The following MORF4L1 variants were observed in gnomAD, a reference collection of about 807,000 sequenced individuals.
MORF4L1 encodes the protein mortality factor 4 like 1, also known as mortality factor 4-like protein 1.
Under a neutral mutation model 52.9 loss-of-function variants are expected in MORF4L1, and 4 were observed. That is an observed-to-expected ratio of 0.08 (90% CI 0.04 to 0.17). The LOEUF (loss-of-function observed/expected upper bound fraction) is 0.17, where lower values mean the gene tolerates loss of function less well. Among genes scored for constraint, MORF4L1 ranks in the 10% least tolerant of loss-of-function variants. The pLI is 1.00. For synonymous variants in MORF4L1, 123 were observed against 134.8 expected (o/e 0.91, Z 0.61); for missense variants, 214 against 390.4 (o/e 0.55, Z 3.81).
chr15:78,883,763 C>T (rs1165733252), intron 3 of MORF4L1, among the ~76,000 whole-genome samples: 2 of 152,076 alleles, frequency 1.3e-5, no homozygotes, highest in Admixed American at 1.3e-4. Flanking sequence ...ATGATCTTAG[C>T]TTTAGAAAGT....
At chr15:78,892,372 A>T (rs772197216) in intron 8 of MORF4L1, 59 bp downstream of exon 8, 1 of 1,199,594 alleles carries the variant, frequency 8.3e-7, no homozygotes, top group East Asian at 2.3e-5. Flanking sequence ...CTAGCAAAAA[A>T]AGTTTTTAAA....
At chr15:78,885,128 A>T in intron 3 of MORF4L1, 1 of 1,408,298 alleles carries the variant, frequency 7.1e-7, no homozygotes, top group Non-Finnish European at 9.9e-7. Flanking sequence ...CATGTTCAGG[A>T]TTGCTTTTTA....
rs1475113532 is a variant in MORF4L1 at position 78,891,777 on chromosome 15, A to G, written c.438+205A>G. ...TCCAGATTTACCTACCCAATTGATC[A>G]TTTGTTGTGTAAGCTTCATGTTCAC... On this transcript the variant is annotated intron_variant, in intron 7 of 11. Coordinates refer to ENST00000426013, the MANE Select transcript of MORF4L1 (RefSeq NM_006791.4). The G allele has an allele frequency of 9.5e-6, 5 of 525,798 alleles. No homozygotes were observed. The South Asian group carries it at 1.2e-4, about 13-fold the overall frequency. 32.6% of individuals were successfully genotyped at this position (525,798 alleles called of 1,614,324 possible).
At chr15:78,881,353 GC>G (rs2056600632) in intron 3 of MORF4L1, among the ~76,000 whole-genome samples, 2 of 151,824 alleles carry the variant, frequency 1.3e-5, no homozygotes, top group South Asian at 4.2e-4. Flanking sequence ...CTGTCACCAT[GC>G]CCAGCTAATT....
intron 9 of MORF4L1, 94 bp from the exon 10 acceptor site, chr15:78,893,964 T>C (rs2056842065): frequency 1.6e-6 from 2 of 1,250,382 alleles, no homozygotes; most frequent in Admixed American, 4.4e-5. Context: ...TCATTATTAC[T>C]AGCTCAGCTT....
intron 10 of MORF4L1, 120 bp downstream of exon 10, chr15:78,894,350 TA>T: frequency 1.3e-6 from 1 of 745,362 alleles, no homozygotes; most frequent in East Asian, 3.0e-5. Flanking sequence ...AACTTTTATC[TA>T]GAATGTTAAA....
At chr15:78,896,665 G>A (rs894764906) in intron 11 of MORF4L1, among the ~76,000 whole-genome samples, 8 of 152,114 alleles carry the variant, frequency 5.3e-5, no homozygotes, top group Admixed American at 2.0e-4. Flanking sequence ...ATGCTGTCAT[G>A]TAATAGGATA....
intron 3 of MORF4L1, among the ~76,000 whole-genome samples, chr15:78,881,616 T>C (rs2056605348): frequency 6.6e-6 from 1 of 152,204 alleles, no homozygotes; most frequent in Admixed American, 6.5e-5. Flanking sequence ...TTTTCAGTGA[T>C]GGGACTTTTC....
At chr15:78,891,157 G>C in intron 6 of MORF4L1, 143 bp downstream of exon 6, 1 of 1,040,876 alleles carries the variant, frequency 9.6e-7, no homozygotes, top group Non-Finnish European at 1.4e-6. Flanking sequence ...TTATAAAATA[G>C]GTACATGGTG....
chr15:78,880,687 G>A, intron 3 of MORF4L1, 108 bp downstream of exon 3: 1 of 748,246 alleles, frequency 1.3e-6, no homozygotes, highest in Non-Finnish European at 2.1e-6. Context: ...ATGTAATATA[G>A]TACATATTGA....
intron 4 of MORF4L1, 72 bp from the exon 5 acceptor site, chr15:78,887,197 G>A (rs533281932): frequency 3.9e-6 from 5 of 1,284,250 alleles, no homozygotes; most frequent in South Asian, 1.3e-5. Context: ...ATTCCTAATG[G>A]AATCAGGCTG....
chr15:78,892,147 C>T (rs1421628212), intron 7 of MORF4L1, 65 bp from the exon 8 acceptor site: 2 of 1,119,060 alleles, frequency 1.8e-6, no homozygotes, highest in East Asian at 2.4e-5. Flanking sequence ...AAAGTCAGCT[C>T]CCCTCCATGT....
Position 78,872,895 on chromosome 15 carries a change from C to T in MORF4L1, c.-123C>T. On this transcript the variant is annotated 5_prime_UTR_variant, in exon 1 of 12. Coordinates refer to ENST00000426013, the MANE Select transcript of MORF4L1 (RefSeq NM_006791.4). ...TGAGGTCTGCGGGCGCTGGCAAATC[C>T]GGCCCAGGATGTAGAGCTGGCAGTG... is the stretch of plus-strand genomic sequence containing the variant. 2.1e-6 allele frequency: 3 copies of T among 1,446,608 alleles called. No homozygotes were observed. The African/African-American group carries it at 4.5e-5, about 22-fold the overall frequency. The allele number at this position is 1,446,608 out of a possible 1,614,324, so 89.6% of individuals were successfully genotyped here. A position where few individuals can be genotyped will look rare whatever the true frequency, so the allele number is the denominator to read the frequency against.
Position 78,888,183 on chromosome 15 carries a change from C to T in MORF4L1, c.323+834C>T, listed in dbSNP as rs184328100. Among the ~76,000 whole-genome samples, 41 of 152,244 alleles carry T rather than the reference C, an allele frequency of 2.7e-4. No individual in the cohort carries two copies. The East Asian group carries it at 4.2e-3, about 16-fold the overall frequency. On this transcript the variant is annotated intron_variant, in intron 5 of 11. Coordinates refer to ENST00000426013, the MANE Select transcript of MORF4L1 (RefSeq NM_006791.4). ...TTGTATGTTTAAAGTTTATGTAGGA[C>T]GGTGCGGTGGCTCACACCTGTAATC...
chr15:78,881,745 T>G (rs1037639716), intron 3 of MORF4L1, among the ~76,000 whole-genome samples: 1 of 152,216 alleles, frequency 6.6e-6, no homozygotes, highest in Non-Finnish European at 1.5e-5. Context: ...TAATGATGCC[T>G]TGTCCTTCAA....
intron 11 of MORF4L1, among the ~76,000 whole-genome samples, chr15:78,896,308 CTTTTTT>C (rs71148578): frequency 1.1e-3 from 86 of 81,456 alleles, no homozygotes; most frequent in African/African-American, 1.7e-3. Context: ...CTTTTCTTTT[CTTTTTT>C]TTTTTTTTTT....
At chr15:78,896,456 A>G (rs1444603939) in intron 11 of MORF4L1, among the ~76,000 whole-genome samples, 3 of 151,690 alleles carry the variant, frequency 2.0e-5, no homozygotes, top group Admixed American at 2.0e-4. Context: ...GATTACAGGC[A>G]TGCGCTACCA....
At chr15:78,878,347 G>T in intron 2 of MORF4L1, 88 bp downstream of exon 2, 1 of 1,207,058 alleles carries the variant, frequency 8.3e-7, no homozygotes, top group Non-Finnish European at 1.2e-6. Flanking sequence ...TTTTGTTGTT[G>T]CCTCAGTAAG....
chr15:78,893,523 A>G lies in MORF4L1; in HGVS notation c.541-16A>G, dbSNP rs2056835274. The stretch of plus-strand genomic sequence containing the variant: ...AAAGAGAGTGCTTATATTTAAGCAT[A>G]TTTTTGTCTTCATAGCTCTTTTATC... On this transcript the variant is annotated splice_polypyrimidine_tract_variant and intron_variant, in intron 8 of 11. Transcript: ENST00000426013. 1 of 1,559,248 alleles carries G rather than the reference A, an allele frequency of 6.4e-7. No individual in the cohort carries two copies. The highest frequency in any genetic ancestry group is 8.8e-7 in the Non-Finnish European group (1 of 1,131,928).
Sources: gnomAD v4.1 joint callset for allele counts (sites outside exome capture counted in the v4.1 genomes callset) on GRCh38, gnomAD v4.1.1 for gene constraint, MANE v1.5 for transcripts, NCBI Gene and HGNC (gene_info 2026-07-23, HGNC 2026-07-21) for gene names.